The following CLNK variants were observed in gnomAD, a reference collection of about 807,000 sequenced individuals.
CLNK encodes cytokine dependent hematopoietic cell linker, also known as cytokine-dependent hematopoietic cell linker.
Under a neutral mutation model 68.6 loss-of-function variants are expected in CLNK, and 74 were observed. That is an observed-to-expected ratio of 1.08 (90% CI 0.89 to 1.31). The LOEUF (loss-of-function observed/expected upper bound fraction) is 1.31. CLNK is among the 50% of genes most tolerant of loss of function. The probability of loss-of-function intolerance (pLI) is 0.00; values close to 1 mark genes in which losing one functional copy is unlikely to be tolerated. For missense variants in CLNK, 553 were observed against 515.3 expected (o/e 1.07, Z -0.71); for synonymous variants, 198 against 172.2 (o/e 1.15, Z -1.17).
At chr4:10,618,529 T>C (rs879677596) in intron 2 of CLNK, among the ~76,000 whole-genome samples, 1 of 152,224 alleles carries the variant, frequency 6.6e-6, no homozygotes, top group Non-Finnish European at 1.5e-5. Flanking sequence ...ACATGTAAAA[T>C]ATGCTGTTTT....
chr4:10,561,815 T>C (rs1405763261), intron 7 of CLNK, among the ~76,000 whole-genome samples: 2 of 152,036 alleles, frequency 1.3e-5, no homozygotes, highest in Non-Finnish European at 2.9e-5. Flanking sequence ...GTCTTTTTTG[T>C]GAACAGAAGA....
At chr4:10,596,213 C>T (rs552109762) in intron 3 of CLNK, among the ~76,000 whole-genome samples, 10 of 152,116 alleles carry the variant, frequency 6.6e-5, no homozygotes, top group South Asian at 4.2e-4. Context: ...TTAGTAGAGA[C>T]GGGGTTTCTC....
chr4:10,559,306 T>A (rs1181777245), intron 7 of CLNK, among the ~76,000 whole-genome samples: 1 of 152,198 alleles, frequency 6.6e-6, no homozygotes, highest in Non-Finnish European at 1.5e-5. Context: ...TGTGGAACAT[T>A]GAACCACAGT....
chr4:10,656,474 A>G (rs572024601), intron 2 of CLNK: 3 of 152,142 alleles, frequency 2.0e-5, no homozygotes, highest in Admixed American at 2.0e-4. Context: ...TTAAAGCTAT[A>G]CTATAGTCAA....
intron 2 of CLNK, among the ~76,000 whole-genome samples, chr4:10,636,836 G>A (rs1723112259): frequency 6.6e-6 from 1 of 152,200 alleles, no homozygotes; most frequent in Non-Finnish European, 1.5e-5. Context: ...TCCCACCAAA[G>A]CTTTTGTAGG....
chr4:10,604,760 C>T (rs1721724634), intron 2 of CLNK, among the ~76,000 whole-genome samples: 1 of 152,114 alleles, frequency 6.6e-6, no homozygotes, highest in Admixed American at 6.5e-5. Context: ...AATGAATTTC[C>T]AGCAATGAGA....
At chr4:10,717,153 A>G in the CLNK span, among the ~76,000 whole-genome samples, 15 of 152,178 alleles carry the variant, frequency 9.9e-5, no homozygotes, top group African/African-American at 3.6e-4. Flanking sequence ...TGAGCAGGAA[A>G]CTAGAGCTTT....
chr4:10,690,518 AAGAT>A, the CLNK span, among the ~76,000 whole-genome samples: 1 of 152,346 alleles, frequency 6.6e-6, no homozygotes, highest in South Asian at 2.1e-4. Flanking sequence ...TCTTTAAAAA[AAGAT>A]AGAAGTTTAT....
At chr4:10,691,163 G>T in the CLNK span, among the ~76,000 whole-genome samples, 1 of 152,030 alleles carries the variant, frequency 6.6e-6, no homozygotes, top group Non-Finnish European at 1.5e-5. Context: ...GGTCTAATAT[G>T]CATTAATAGG....
At chr4:10,543,012 G>C (rs1312613226) in intron 8 of CLNK, among the ~76,000 whole-genome samples, 1 of 152,104 alleles carries the variant, frequency 6.6e-6, no homozygotes, top group African/African-American at 2.4e-5. Flanking sequence ...GGGGAAAAAA[G>C]ACAAATACAA....
chr4:10,638,686 T>G (rs1723189634), intron 2 of CLNK, among the ~76,000 whole-genome samples: 1 of 152,186 alleles, frequency 6.6e-6, no homozygotes, highest in Non-Finnish European at 1.5e-5. Flanking sequence ...CTAGAATCAT[T>G]TGGAGAGATT....
chr4:10,572,762 G>A (rs563059299), intron 4 of CLNK, among the ~76,000 whole-genome samples: 4 of 152,274 alleles, frequency 2.6e-5, no homozygotes, highest in African/African-American at 9.6e-5. Context: ...GGAGGACCAC[G>A]ATGTGATAAG....
At chr4:10,569,227 A>T (rs541105538) in intron 5 of CLNK, among the ~76,000 whole-genome samples, 31 of 146,610 alleles carry the variant, frequency 2.1e-4, no homozygotes, top group African/African-American at 7.5e-4. Flanking sequence ...CCATTCCTGA[A>T]ATGGAGCCAG....
At chr4:10,528,792 G>T (rs1181798827) in intron 12 of CLNK, among the ~76,000 whole-genome samples, 1 of 152,102 alleles carries the variant, frequency 6.6e-6, no homozygotes, top group Non-Finnish European at 1.5e-5. Flanking sequence ...AAGCAATAAG[G>T]CTACGGTTAA....
intron 11 of CLNK, among the ~76,000 whole-genome samples, chr4:10,537,177 AT>A (rs1718790905): frequency 1.3e-5 from 2 of 152,204 alleles, no homozygotes; most frequent in Admixed American, 6.5e-5. Flanking sequence ...TAACCACTGT[AT>A]TAGAAAATAC....
At chr4:10,549,971 A>G (rs745990160) in intron 8 of CLNK, among the ~76,000 whole-genome samples, 8 of 152,254 alleles carry the variant, frequency 5.3e-5, no homozygotes, top group Non-Finnish European at 1.2e-4. Flanking sequence ...GCATGGTTGC[A>G]GAATCCGATG....
the CLNK span, among the ~76,000 whole-genome samples, chr4:10,714,711 T>TGTGC: frequency 6.6e-6 from 1 of 150,556 alleles, no homozygotes; most frequent in African/African-American, 2.5e-5. Flanking sequence ...TGTGTGTGTG[T>TGTGC]GCGTGTGAGT....
chr4:10,596,418 A>T (rs1721390968), intron 3 of CLNK, among the ~76,000 whole-genome samples: 2 of 152,214 alleles, frequency 1.3e-5, no homozygotes, highest in Admixed American at 1.3e-4. Flanking sequence ...ATGAGGTTGA[A>T]ATCCTGATTC....
At chr4:10,599,319 G>A (rs1721499891) in intron 2 of CLNK, among the ~76,000 whole-genome samples, 1 of 152,192 alleles carries the variant, frequency 6.6e-6, no homozygotes, top group Non-Finnish European at 1.5e-5. Flanking sequence ...GGATTTGCCT[G>A]TAGCCCATAG....
Sources: allele counts gnomAD v4.1 joint callset (sites outside exome capture counted in the v4.1 genomes callset), GRCh38; gene constraint gnomAD v4.1.1; transcripts MANE v1.5; gene names NCBI Gene and HGNC (gene_info 2026-07-23, HGNC 2026-07-21).